SEL1L2: variants seen among roughly 807,000 people sequenced by gnomAD.
SEL1L2 encodes SEL1L2 adaptor subunit of SYVN1 ubiquitin ligase.
A neutral mutation model predicts 98.8 loss-of-function variants in SEL1L2; 89 were observed. The observed-to-expected ratio is 0.90, with a 90% CI of 0.76 to 1.07. The LOEUF (loss-of-function observed/expected upper bound fraction) is 1.07, where lower values mean the gene tolerates loss of function less well. Ranked by LOEUF, SEL1L2 falls within the 50% of genes least tolerant of loss-of-function variation. SEL1L2 has a pLI of 0.00. For synonymous variants in SEL1L2, 262 were observed against 278.5 expected, an observed-to-expected ratio of 0.94 and a Z score of 0.59; for missense variants, 788 against 812.0, an observed-to-expected ratio of 0.97 and a Z score of 0.36.
At chr20:13,919,923 T>TGAA (rs1600749171) in intron 3 of SEL1L2, among the ~76,000 whole-genome samples, 1 of 49,992 alleles carries the variant, frequency 2.0e-5, no homozygotes, top group Admixed American at 2.2e-4. Flanking sequence ...AGACTCCGTC[T>TGAA]CAAAAAAAAA....
chr20:13,921,195 G>A (rs970103251), intron 3 of SEL1L2, among the ~76,000 whole-genome samples: 11 of 151,928 alleles, frequency 7.2e-5, no homozygotes, highest in South Asian at 2.1e-4. Context: ...TCAATTATTC[G>A]TTTTCTTCAC....
chr20:13,913,795 C>G lies in SEL1L2; in HGVS notation c.536G>C (p.Cys179Ser). Residue 179 changes from cysteine (C) to serine (S), a missense_variant, in exon 5 of 20, where the codon TGT (cysteine) becomes TCT (serine). Physicochemically the swap from Cys to Ser is moderately radical, Grantham distance 112. Coordinates refer to ENST00000284951, the MANE Select transcript of SEL1L2 (RefSeq NM_025229.2). The part of the protein sequence containing the change: ...LYESLAKEGS[C>S]KAQNALGFLS... Reference sequence around the variant, plus strand: ...TTCAAAACTCACGTTTTGGGCTTTACATGATCCTTCTTTAGCCAAGGACTC... The same window carrying G: ...TTCAAAACTCACGTTTTGGGCTTTAGATGATCCTTCTTTAGCCAAGGACTC... The G allele has an allele frequency of 6.6e-7, 1 of 1,525,402 alleles. No homozygotes were observed. The highest frequency in any genetic ancestry group is 8.7e-7 in the Non-Finnish European group (1 of 1,148,530). 94.5% of individuals were successfully genotyped at this position (1,525,402 alleles called of 1,614,324 possible).
intron 1 of SEL1L2, among the ~76,000 whole-genome samples, chr20:13,972,868 C>T (rs558977964): frequency 2.6e-5 from 4 of 152,218 alleles, no homozygotes; most frequent in East Asian, 3.9e-4. Flanking sequence ...TTTCTATGAG[C>T]GGGTCTTTTC....
intron 8 of SEL1L2, 150 bp downstream of exon 8, chr20:13,887,619 T>G (rs1164681305): frequency 4.0e-5 from 22 of 555,394 alleles, no homozygotes; most frequent in Middle Eastern, 9.5e-4. Flanking sequence ...AAACAGAAAC[T>G]GTATTATGTT....
chr20:13,862,605 C>G (rs913973498), intron 17 of SEL1L2, among the ~76,000 whole-genome samples: 6 of 152,102 alleles, frequency 3.9e-5, no homozygotes, highest in Non-Finnish European at 7.3e-5. Context: ...AATGTAGACA[C>G]TTCAAAAAGA....
At chr20:13,916,623 T>G (rs1448764224) in intron 4 of SEL1L2, among the ~76,000 whole-genome samples, 2 of 152,112 alleles carry the variant, frequency 1.3e-5, no homozygotes, top group African/African-American at 4.8e-5. Context: ...CTGACCAACA[T>G]GGCGAAACCC....
intron 5 of SEL1L2, 87 bp downstream of exon 5, chr20:13,913,695 A>G: frequency 1.7e-6 from 2 of 1,206,538 alleles, no homozygotes; most frequent in Non-Finnish European, 2.2e-6. Flanking sequence ...GCAGAGCTGG[A>G]ATACTATTGC....
chr20:13,900,410 T>C (rs919245367), intron 5 of SEL1L2, among the ~76,000 whole-genome samples: 2 of 152,192 alleles, frequency 1.3e-5, no homozygotes, highest in African/African-American at 4.8e-5. Flanking sequence ...GGCCCTGGGT[T>C]TTCTGGTACA....
At chr20:13,857,257 T>A (rs1196235547) in intron 18 of SEL1L2, among the ~76,000 whole-genome samples, 1 of 150,702 alleles carries the variant, frequency 6.6e-6, no homozygotes, top group Admixed American at 6.6e-5. Context: ...AATAGACTTG[T>A]GACTGAAAGA....
At chr20:13,917,177 A>T (rs2048442268) in intron 4 of SEL1L2, among the ~76,000 whole-genome samples, 1 of 152,040 alleles carries the variant, frequency 6.6e-6, no homozygotes, top group East Asian at 1.9e-4. Context: ...GGCGCTCCAC[A>T]TCTGTTTCTT....
intron 3 of SEL1L2, among the ~76,000 whole-genome samples, chr20:13,924,889 A>G (rs2148269843): frequency 6.6e-6 from 1 of 152,202 alleles, no homozygotes; most frequent in East Asian, 1.9e-4. Context: ...CTGTAATCCC[A>G]GCATTTTGGG....
Position 13,983,023 on chromosome 20 carries a change from C to CAAAAAAAAA in SEL1L2, c.58+7445_58+7453dup, listed in dbSNP as rs57993052. ...TGGGCAACAGAGCAAGACTCCATCTCAAAAAAAAAAAAAAAAAAAAAAAAA... is the reference window on the plus strand; with the variant it reads ...TGGGCAACAGAGCAAGACTCCATCTCAAAAAAAAAAAAAAAAAAAAAAAAAAAAAAAAAA... On this transcript the variant is annotated intron_variant, in intron 1 of 19. Coordinates refer to ENST00000284951, the MANE Select transcript of SEL1L2 (RefSeq NM_025229.2). Among the ~76,000 whole-genome samples, 119 of 15,564 alleles carry CAAAAAAAAA rather than the reference C, an allele frequency of 7.6e-3. 25 individuals carry two copies. Among genetic ancestry groups the CAAAAAAAAA allele is most frequent in the South Asian group, 0.02 (2 of 102 alleles). 10.2% of individuals were successfully genotyped at this position (15,564 alleles called of 152,430 possible). A position where few individuals can be genotyped will look rare whatever the true frequency, so the allele number is the denominator to read the frequency against.
At chr20:13,874,774 A>C (rs1415087439) in intron 12 of SEL1L2, among the ~76,000 whole-genome samples, 2 of 152,150 alleles carry the variant, frequency 1.3e-5, no homozygotes, top group Admixed American at 1.3e-4. Context: ...TAGGCTCCTA[A>C]AGCAGTGTGT....
intron 4 of SEL1L2, chr20:13,914,973 G>C (rs2048341588): frequency 1.7e-6 from 1 of 571,976 alleles, no homozygotes; most frequent in Non-Finnish European, 2.6e-6. Flanking sequence ...GAGTATTTTA[G>C]GGATTTATTT....
chr20:13,988,424 A>G (rs1486473384), intron 1 of SEL1L2, among the ~76,000 whole-genome samples: 1 of 152,120 alleles, frequency 6.6e-6, no homozygotes, highest in Non-Finnish European at 1.5e-5. Context: ...TGGAGAGATT[A>G]TCTCCTCCTG....
At position 13,876,406 on chromosome 20, in the gene SEL1L2, C is replaced by CTT. The variant is rs11087067; in HGVS notation, c.1027-293_1027-292dup. On this transcript the variant is annotated intron_variant, in intron 11 of 19. Coordinates refer to ENST00000284951, the MANE Select transcript of SEL1L2 (RefSeq NM_025229.2). ...GTTTGTGTTTTCTCTCTCTCTCTCT[C>CTT]TTTTTTTTTTTTTTTTTTTTGCATC... 9.2e-4 allele frequency among the ~76,000 whole-genome samples: 94 copies of CTT among 101,898 alleles called. 1 individual carries two copies. The highest frequency in any genetic ancestry group is 5.2e-3 in the Middle Eastern group (1 of 194). 66.8% of individuals were successfully genotyped at this position (101,898 alleles called of 152,430 possible). A position where few individuals can be genotyped will look rare whatever the true frequency, so the allele number is the denominator to read the frequency against.
intron 2 of SEL1L2, among the ~76,000 whole-genome samples, chr20:13,950,490 C>A (rs1005861280): frequency 5.9e-5 from 9 of 151,980 alleles, no homozygotes; most frequent in African/African-American, 1.9e-4. Context: ...GTAAAAAGGG[C>A]AAATCGATTT....
rs1013638068 is a variant in SEL1L2, at chr20:13,930,267, C to T, written c.283+1336G>A. On this transcript the variant is annotated intron_variant, in intron 3 of 19. Transcript: ENST00000284951. ...AGCAGGAAGTGAGGTGGGGCTGTTT[C>T]TTCCCTGCCTCCTCAATCCGGGTCT... Among the ~76,000 whole-genome samples, 8 of 152,334 alleles carry T rather than the reference C, an allele frequency of 5.3e-5. No homozygotes were observed. The South Asian group carries it at 1.7e-3, about 32-fold the overall frequency.
At chr20:13,876,749 A>G (rs2046450246) in intron 11 of SEL1L2, among the ~76,000 whole-genome samples, 1 of 152,156 alleles carries the variant, frequency 6.6e-6, no homozygotes, top group African/African-American at 2.4e-5. Context: ...CTCCTCTTAC[A>G]TATTGGGGAG....
Sources: gnomAD v4.1 joint callset for allele counts (sites outside exome capture counted in the v4.1 genomes callset) on GRCh38, gnomAD v4.1.1 for gene constraint, MANE v1.5 for transcripts, NCBI Gene and HGNC (gene_info 2026-07-23, HGNC 2026-07-21) for gene names.